The following TMCO4 variants were observed in gnomAD, a reference collection of about 807,000 sequenced individuals.
TMCO4 encodes transmembrane and coiled-coil domains 4.
A neutral mutation model predicts 64.7 loss-of-function variants in TMCO4; 58 were observed. The observed-to-expected ratio is 0.90, with a 90% CI of 0.73 to 1.12. The LOEUF is 1.12. Among genes scored for constraint, TMCO4 ranks in the 50% most tolerant of loss-of-function variants. The probability of loss-of-function intolerance (pLI) is 0.00; values close to 1 mark genes in which losing one functional copy is unlikely to be tolerated. For synonymous variants in TMCO4, 325 were observed against 346.1 expected (o/e 0.94, Z 0.68); for missense variants, 780 against 825.9 (o/e 0.94, Z 0.68).
At chr1:19,733,864 G>C (rs571155891) in intron 13 of TMCO4, among the ~76,000 whole-genome samples, 1 of 151,930 alleles carries the variant, frequency 6.6e-6, no homozygotes, top group African/African-American at 2.4e-5. Context: ...CCACCTCCTA[G>C]CCGTGTGATT....
At chr1:19,768,778 G>T (rs2042854008) in intron 6 of TMCO4, among the ~76,000 whole-genome samples, 1 of 152,012 alleles carries the variant, frequency 6.6e-6, no homozygotes, top group Non-Finnish European at 1.5e-5. Flanking sequence ...AAGCACTCAG[G>T]AATTGCCTGG....
rs1018728646 is a variant in TMCO4 at position 19,734,645 on chromosome 1, C to T, written c.1264+2727G>A. ...GGGCTGCAGAGACACCAGATGCCACCGTTTCTAGACACCCCTGAGAGCCCC... is the reference window on the plus strand; with the variant it reads ...GGGCTGCAGAGACACCAGATGCCACTGTTTCTAGACACCCCTGAGAGCCCC... On this transcript the variant is annotated intron_variant, in intron 13 of 15. Transcript: ENST00000294543. This position sits in a 1 kb window ranked among gnomAD's most constrained non-coding sequence, Gnocchi z 4.4. 2.0e-5 allele frequency among the ~76,000 whole-genome samples: 3 copies of T among 152,056 alleles called. No homozygotes were observed. Among genetic ancestry groups the T allele is most frequent in the Non-Finnish European group, 2.9e-5 (2 of 67,990 alleles).
intron 13 of TMCO4, among the ~76,000 whole-genome samples, chr1:19,724,915 C>A (rs567016446): frequency 6.6e-6 from 1 of 152,282 alleles, no homozygotes; most frequent in African/African-American, 2.4e-5. Flanking sequence ...GCGCACACCA[C>A]AATACCCAGC....
At chr1:19,713,708 A>G (rs763090753) in intron 13 of TMCO4, among the ~76,000 whole-genome samples, 28 of 151,622 alleles carry the variant, frequency 1.8e-4, no homozygotes, top group Middle Eastern at 3.2e-3. Flanking sequence ...CTAAAAATAT[A>G]TCAACAACAA....
chr1:19,746,457 T>G lies in TMCO4; in HGVS notation c.756A>C (p.Thr252=). Residue 252 remains threonine, a splice_region_variant and synonymous_variant, in exon 9 of 16, where the codon ACA becomes ACC. Coordinates refer to ENST00000294543, the MANE Select transcript of TMCO4 (RefSeq NM_181719.7). ...SLFGAAGAGL[T]GYKMKKRVGA... ...CCCATCATTCCTTTTGAACCTTACC[T>G]GTCAGGCCAGCTCCAGCTGCACCAA... is the stretch of plus-strand genomic sequence containing the variant. The G allele has an allele frequency of 6.2e-7, 1 of 1,613,338 alleles. No homozygotes were observed. The highest frequency in any genetic ancestry group is 8.5e-7 in the Non-Finnish European group (1 of 1,179,710).
Position 19,717,691 on chromosome 1 carries a change from C to T in TMCO4, c.1265-16806G>A, listed in dbSNP as rs142365786. ...GCCTTCTGCCTGCCTCGAAGCCTCT[C>T]GAGGCTTACCTGTCCTTCAAAGCCT... On this transcript the variant is annotated intron_variant, in intron 13 of 15. Transcript: ENST00000294543. 4.6e-5 allele frequency among the ~76,000 whole-genome samples: 7 copies of T among 152,274 alleles called. 1 individual carries two copies. In the South Asian group the frequency reaches 1.5e-3, roughly 32 times the overall value.
intron 13 of TMCO4, among the ~76,000 whole-genome samples, chr1:19,705,465 A>G (rs557418695): frequency 6.6e-6 from 1 of 151,864 alleles, no homozygotes. Flanking sequence ...ATAAATAAAT[A>G]AATAAATAAA....
At chr1:19,751,280 T>C (rs1394187655) in intron 7 of TMCO4, among the ~76,000 whole-genome samples, 1 of 152,148 alleles carries the variant, frequency 6.6e-6, no homozygotes, top group Non-Finnish European at 1.5e-5. Context: ...ACCAGAGAGG[T>C]ACAGGATGGA....
Position 19,693,164 on chromosome 1 carries a change from CAAAAAAAAAAAAAAAA to C in TMCO4, c.1500+1254_1500+1269del, listed in dbSNP as rs57031243. ...CTCCAGCCTGAGCGAGACCCCATCT[CAAAAAAAAAAAAAAAA>C]AAAAAAAAAAAAAAAAAAAAGGCCA... is the stretch of plus-strand genomic sequence containing the variant. On this transcript the variant is annotated intron_variant, in intron 15 of 15. Coordinates refer to ENST00000294543, the MANE Select transcript of TMCO4 (RefSeq NM_181719.7). Among the ~76,000 whole-genome samples the C allele has an allele frequency of 1.0e-3, 20 of 19,980 alleles. 1 individual carries two copies. The highest frequency in any genetic ancestry group is 1.5e-3 in the African/African-American group (11 of 7,520). 13.1% of individuals were successfully genotyped at this position (19,980 alleles called of 152,430 possible). A position where few individuals can be genotyped will look rare whatever the true frequency, so the allele number is the denominator to read the frequency against.
chr1:19,729,637 G>C (rs2095422391), intron 13 of TMCO4, among the ~76,000 whole-genome samples: 1 of 151,784 alleles, frequency 6.6e-6, no homozygotes, highest in East Asian at 2.0e-4. Context: ...GTGGTGGTGT[G>C]CACCTGTAAT....
chr1:19,705,850 A>C (rs1453709114), intron 13 of TMCO4, among the ~76,000 whole-genome samples: 1 of 152,188 alleles, frequency 6.6e-6, no homozygotes, highest in Non-Finnish European at 1.5e-5. Context: ...TACTAGAATA[A>C]TTCAGCCTTC....
At chr1:19,752,744 G>A (rs531809959) in intron 7 of TMCO4, among the ~76,000 whole-genome samples, 29 of 152,034 alleles carry the variant, frequency 1.9e-4, no homozygotes, top group Non-Finnish European at 3.7e-4. Context: ...ACTGGACATC[G>A]TGGTCAAATC....
At chr1:19,754,253 TA>T (rs2100930831) in intron 7 of TMCO4, among the ~76,000 whole-genome samples, 1 of 152,306 alleles carries the variant, frequency 6.6e-6, no homozygotes, top group East Asian at 1.9e-4. Flanking sequence ...TTCCAAATAA[TA>T]ACTGAGAGGT....
intron 14 of TMCO4, among the ~76,000 whole-genome samples, chr1:19,697,528 G>A (rs1347503386): frequency 2.6e-5 from 4 of 152,056 alleles, no homozygotes; most frequent in Admixed American, 2.0e-4. Flanking sequence ...CTGCCTCCTA[G>A]GGTCAAGCCA....
chr1:19,748,145 C>A (rs1245101655), intron 7 of TMCO4, among the ~76,000 whole-genome samples: 1 of 152,230 alleles, frequency 6.6e-6, no homozygotes, highest in African/African-American at 2.4e-5. Context: ...GGATAACAGT[C>A]ACTACCTCCC....
chr1:19,764,028 G>A (rs140513531), intron 6 of TMCO4, among the ~76,000 whole-genome samples: 23 of 152,324 alleles, frequency 1.5e-4, no homozygotes, highest in Admixed American at 3.3e-4. Context: ...TTGGAGCAGA[G>A]GGGAGAGAGG....
At chr1:19,748,667 A>G (rs757372804) in intron 7 of TMCO4, among the ~76,000 whole-genome samples, 1 of 152,008 alleles carries the variant, frequency 6.6e-6, no homozygotes, top group African/African-American at 2.4e-5. Flanking sequence ...TCTACTAAAA[A>G]CACAAAAATT....
intron 13 of TMCO4, among the ~76,000 whole-genome samples, chr1:19,712,923 CAT>C (rs939306548): frequency 3.3e-5 from 5 of 152,196 alleles, no homozygotes; most frequent in Non-Finnish European, 5.9e-5. Flanking sequence ...TGGGTGCACT[CAT>C]GTGTCTGCAG....
intron 4 of TMCO4, among the ~76,000 whole-genome samples, chr1:19,778,278 A>G (rs1571003166): frequency 8.1e-6 from 1 of 124,106 alleles, no homozygotes; most frequent in Non-Finnish European, 1.8e-5. Context: ...TTATTTATTT[A>G]TTTATTTATT....
Sources: allele counts gnomAD v4.1 joint callset (sites outside exome capture counted in the v4.1 genomes callset), GRCh38; gene constraint gnomAD v4.1.1; non-coding constraint Gnocchi (gnomAD v3.1); transcripts MANE v1.5; gene names NCBI Gene and HGNC (gene_info 2026-07-23, HGNC 2026-07-21).